NAV3: variants seen among roughly 807,000 people sequenced by gnomAD.
NAV3 encodes neuron navigator 3.
A neutral mutation model predicts 244.7 loss-of-function variants in NAV3; 87 were observed. The observed-to-expected ratio is 0.36, with a 90% CI of 0.30 to 0.42. NAV3 has a LOEUF of 0.42. NAV3 is among the 20% of genes least tolerant of loss of function. The pLI, the probability that NAV3 is intolerant of heterozygous loss-of-function variation, is 1.00. For missense variants in NAV3, 2,663 were observed against 2,893.3 expected, an observed-to-expected ratio of 0.92 and a Z score of 1.83; for synonymous variants, 1,126 against 1,042.2, an observed-to-expected ratio of 1.08 and a Z score of -1.55.
chr12:78,046,219 C>T (rs1241502404), intron 9 of NAV3, among the ~76,000 whole-genome samples: 2 of 152,116 alleles, frequency 1.3e-5, no homozygotes, highest in African/African-American at 4.8e-5. Context: ...GTTTTTGTGT[C>T]TCTATCTCCT....
chr12:77,803,300 C>T (rs1871811696), intron 2 of NAV3, among the ~76,000 whole-genome samples: 1 of 152,070 alleles, frequency 6.6e-6, no homozygotes, highest in African/African-American at 2.4e-5. Flanking sequence ...CCAACAGGCC[C>T]TGGTGTATGA....
At chr12:78,091,619 A>AC (rs1420184239) in intron 12 of NAV3, 2 of 150,822 alleles carry the variant, frequency 1.3e-5, no homozygotes, top group East Asian at 3.9e-4. Context: ...AAACGGTGAA[A>AC]CCCCGTCTCT....
At chr12:77,982,367 TAA>T (rs1565985182) in intron 5 of NAV3, among the ~76,000 whole-genome samples, 2 of 61,300 alleles carry the variant, frequency 3.3e-5, no homozygotes, top group Non-Finnish European at 9.4e-5. Context: ...GATATGTGGC[TAA>T]GATAAAGTGA....
chr12:77,606,488 T>G (rs1870675865), intron 2 of NAV3, among the ~76,000 whole-genome samples: 1 of 152,132 alleles, frequency 6.6e-6, no homozygotes, highest in Non-Finnish European at 1.5e-5. Context: ...TCTGTTAGCT[T>G]TTTTAACTTT....
intron 21 of NAV3, among the ~76,000 whole-genome samples, chr12:78,147,376 G>GATGCTGT (rs1003655233): frequency 6.6e-6 from 1 of 151,768 alleles, no homozygotes; most frequent in African/African-American, 2.4e-5. Context: ...TTTTATCATT[G>GATGCTGT]ATGCTGTATC....
intron 2 of NAV3, among the ~76,000 whole-genome samples, chr12:77,707,816 A>T (rs1175257888): frequency 5.9e-5 from 9 of 152,168 alleles, no homozygotes; most frequent in Admixed American, 5.9e-4. Context: ...TGGCCAGTGA[A>T]GGTGAGCATT....
chr12:78,050,987 C>G lies in NAV3; in HGVS notation c.2356C>G (p.Arg786Gly), dbSNP rs774139179. Reference protein sequence around the residue: ...PSRFMYTTPLRRAAVSRLGNM... With the variant: ...PSRFMYTTPLGRAAVSRLGNM... Reference sequence around the variant, plus strand: ...GAGGTTCATGTATACCACGCCTCTCCGTCGAGCTGCTGTCTCTAGGCTGGG... The same window carrying G: ...GAGGTTCATGTATACCACGCCTCTCGGTCGAGCTGCTGTCTCTAGGCTGGG... The change falls in exon 11 of 40, where the codon CGT (arginine) becomes GGT (glycine). Residue 786 changes from arginine (R) to glycine (G), a missense_variant. Physicochemically the swap from Arg to Gly is moderately radical, Grantham distance 125 (BLOSUM62 -2). This residue lies in a region of NAV3 where 1,521 missense variants were observed against 1,497.0 expected (regional missense o/e 1.02). Coordinates refer to ENST00000397909, the MANE Select transcript of NAV3 (RefSeq NM_001024383.2). The G allele has an allele frequency of 1.2e-6, 2 of 1,614,064 alleles. No homozygotes were observed. Among genetic ancestry groups the G allele is most frequent in the Non-Finnish European group, 1.7e-6 (2 of 1,180,020 alleles).
chr12:78,194,959 A>G (rs1215974668), intron 34 of NAV3, among the ~76,000 whole-genome samples: 1 of 152,106 alleles, frequency 6.6e-6, no homozygotes, highest in Non-Finnish European at 1.5e-5. Flanking sequence ...TCTTTGATCT[A>G]TACTTTTTTG....
intron 1 of NAV3, among the ~76,000 whole-genome samples, chr12:77,879,877 G>C (rs1199136416): frequency 1.3e-5 from 2 of 152,050 alleles, no homozygotes; most frequent in African/African-American, 4.8e-5. Context: ...GTACACAGCA[G>C]GTGATAATGA....
chr12:77,608,266 G>C (rs958466713), intron 2 of NAV3, among the ~76,000 whole-genome samples: 1 of 152,014 alleles, frequency 6.6e-6, no homozygotes, highest in East Asian at 1.9e-4. Flanking sequence ...TTCTTAAACA[G>C]ATCCAGGAAA....
intron 2 of NAV3, among the ~76,000 whole-genome samples, chr12:77,750,746 C>G (rs1267791545): frequency 1.3e-5 from 2 of 152,052 alleles, no homozygotes; most frequent in Admixed American, 6.6e-5. Context: ...TATGGCAAGT[C>G]ATGCTGTTAG....
At chr12:77,782,332 C>T (rs962587770) in intron 2 of NAV3, among the ~76,000 whole-genome samples, 1 of 144,728 alleles carries the variant, frequency 6.9e-6, no homozygotes, top group Non-Finnish European at 1.5e-5. Flanking sequence ...CTTTTCTTCT[C>T]CCCTCCCTCC....
chr12:77,885,357 G>T (rs1883160822), intron 1 of NAV3, among the ~76,000 whole-genome samples: 1 of 152,022 alleles, frequency 6.6e-6, no homozygotes, highest in Non-Finnish European at 1.5e-5. Flanking sequence ...TTGTACTGCT[G>T]CTTTTTTTCT....
intron 2 of NAV3, among the ~76,000 whole-genome samples, chr12:77,801,320 A>G (rs1871691563): frequency 6.6e-6 from 1 of 152,156 alleles, no homozygotes. Context: ...ACTTTAACTG[A>G]CAGTAGTTTT....
At chr12:78,004,853 A>G (rs574839588) in intron 7 of NAV3, among the ~76,000 whole-genome samples, 18 of 152,304 alleles carry the variant, frequency 1.2e-4, no homozygotes, top group African/African-American at 3.1e-4. Flanking sequence ...TCGCCTGAGA[A>G]TGATGTTACA....
intron 2 of NAV3, among the ~76,000 whole-genome samples, chr12:77,747,851 G>A (rs1868633501): frequency 6.6e-6 from 1 of 152,172 alleles, no homozygotes; most frequent in South Asian, 2.1e-4. Flanking sequence ...CATGGACACA[G>A]GAAGGGGAAC....
At chr12:77,826,912 A>G (rs1164925388), upstream of NAV3, among the ~76,000 whole-genome samples, 2 of 152,150 alleles carry the variant, frequency 1.3e-5, no homozygotes, top group Non-Finnish European at 2.9e-5. Context: ...ATTCCACTTC[A>G]ATCAAGCTGT....
At chr12:78,127,653 G>A (rs146012532) in intron 17 of NAV3, among the ~76,000 whole-genome samples, 2 of 152,288 alleles carry the variant, frequency 1.3e-5, no homozygotes, top group Admixed American at 6.5e-5. Flanking sequence ...GTCTACAGAT[G>A]TGGGCAGTTA....
intron 2 of NAV3, among the ~76,000 whole-genome samples, chr12:77,628,088 A>C (rs1871718495): frequency 6.6e-6 from 1 of 152,176 alleles, no homozygotes; most frequent in Non-Finnish European, 1.5e-5. Flanking sequence ...GTGTTTGATA[A>C]CACAGTAGGG....
Sources: gnomAD v4.1 joint callset for allele counts (sites outside exome capture counted in the v4.1 genomes callset) on GRCh38, gnomAD v4.1.1 for gene constraint, gnomAD v4.1.1 regional missense constraint, MANE v1.5 for transcripts, NCBI Gene and HGNC (gene_info 2026-07-23, HGNC 2026-07-21) for gene names.